GAREM1: variants seen among roughly 807,000 people sequenced by gnomAD.
The protein encoded by GAREM1 is GRB2 associated regulator of MAPK1 subtype 1.
A neutral mutation model predicts 71.3 loss-of-function variants in GAREM1; 26 were observed. That is an observed-to-expected ratio of 0.36 (90% CI 0.27 to 0.51). The LOEUF is 0.51. Ranked by LOEUF, GAREM1 falls within the 20% of genes least tolerant of loss-of-function variation. GAREM1 has a pLI of 0.95. For missense variants in GAREM1, 1,026 were observed against 1,103.1 expected (o/e 0.93, Z 0.99); for synonymous variants, 440 against 433.2 (o/e 1.02, Z -0.20).
chr18:32,270,164 G>A lies in GAREM1; in HGVS notation c.1733+53C>T, dbSNP rs545054420. On this transcript the variant is annotated intron_variant, in intron 5 of 5. Coordinates refer to ENST00000269209, the MANE Select transcript of GAREM1 (RefSeq NM_001242409.2). ...CGTGAAAATGCTTTCAAGAACCCATGAACTGGTGGATGAGAAGATAAGCGT... is the reference window on the plus strand; with the variant it reads ...CGTGAAAATGCTTTCAAGAACCCATAAACTGGTGGATGAGAAGATAAGCGT... 1.5e-5 allele frequency: 23 copies of A among 1,580,570 alleles called. No individual in the cohort carries two copies. In the African/African-American group the frequency reaches 2.4e-4, roughly 17 times the overall value.
At chr18:32,303,794 G>A (rs184432824) in intron 3 of GAREM1, among the ~76,000 whole-genome samples, 42 of 152,210 alleles carry the variant, frequency 2.8e-4, no homozygotes, top group Non-Finnish European at 5.0e-4. Context: ...GGTGGTGCAT[G>A]CCTGTAGTCC....
intron 2 of GAREM1, among the ~76,000 whole-genome samples, chr18:32,364,026 A>ATATATTTTTTTTTTTTTTTTTT (rs1336753011): frequency 2.2e-5 from 1 of 46,398 alleles, no homozygotes; most frequent in African/African-American, 1.6e-4. Flanking sequence ...ATATATATAT[A>ATATATTTTTTTTTTTTTTTTTT]TGTTTTTTTT....
At chr18:32,374,301 G>A (rs1169765414) in intron 2 of GAREM1, among the ~76,000 whole-genome samples, 2 of 152,164 alleles carry the variant, frequency 1.3e-5, no homozygotes, top group Non-Finnish European at 2.9e-5. Flanking sequence ...TCTTGCCCTG[G>A]ACAATAATTA....
intron 2 of GAREM1, among the ~76,000 whole-genome samples, chr18:32,364,803 T>C (rs1413846824): frequency 1.3e-5 from 2 of 151,944 alleles, no homozygotes; most frequent in East Asian, 3.9e-4. Context: ...ACACCAGAGA[T>C]GAACAAAGAT....
At chr18:32,380,077 G>C (rs749572900) in intron 2 of GAREM1, among the ~76,000 whole-genome samples, 1 of 152,136 alleles carries the variant, frequency 6.6e-6, no homozygotes, top group Non-Finnish European at 1.5e-5. Flanking sequence ...GCCATGACAC[G>C]CATGGTTGCT....
At chr18:32,300,027 A>G (rs2047184083) in intron 3 of GAREM1, among the ~76,000 whole-genome samples, 1 of 152,236 alleles carries the variant, frequency 6.6e-6, no homozygotes, top group African/African-American at 2.4e-5. Flanking sequence ...ATAAAACAGG[A>G]GACAGTGATA....
chr18:32,454,062 T>C (rs2048866262), intron 1 of GAREM1, among the ~76,000 whole-genome samples: 2 of 152,166 alleles, frequency 1.3e-5, no homozygotes, highest in East Asian at 3.8e-4. Flanking sequence ...TTGTATATAA[T>C]AGTGACCTCA....
intron 4 of GAREM1, among the ~76,000 whole-genome samples, chr18:32,282,089 GC>G (rs1414595918): frequency 2.6e-5 from 4 of 151,754 alleles, no homozygotes; most frequent in Admixed American, 6.6e-5. Flanking sequence ...CTATAAAACG[GC>G]CCCACCCCTA....
In GAREM1 at chr18:32,310,228, C is replaced by T. The variant is rs199846312; in HGVS notation, c.358G>A (p.Val120Met). ...EEVAKAFPER[V>M]YVMEDITFNV... ...AATGTGATATCCTCCATGACGTACA[C>T]GCGTTCAGGAAATGCCTTAGCCACC... is the stretch of plus-strand genomic sequence containing the variant. The change falls in exon 3 of 6, where the codon GTG becomes ATG. Residue 120 changes from valine (V) to methionine (M), a missense_variant. By Grantham distance (21) the Val-to-Met change is conservative (BLOSUM62 1). This residue lies in a region of GAREM1 where 172 missense variants were observed against 175.2 expected (regional missense o/e 0.98). Coordinates refer to ENST00000269209, the MANE Select transcript of GAREM1 (RefSeq NM_001242409.2). The T allele has an allele frequency of 2.0e-5, 33 of 1,614,106 alleles. No homozygotes were observed. Among genetic ancestry groups the T allele is most frequent in the Admixed American group, 3.3e-5 (2 of 60,022 alleles).
At chr18:32,403,320 G>A (rs2048334499) in intron 1 of GAREM1, among the ~76,000 whole-genome samples, 1 of 152,056 alleles carries the variant, frequency 6.6e-6, no homozygotes, top group Non-Finnish European at 1.5e-5. Flanking sequence ...ACAGAATGGG[G>A]CCCTGAGTCC....
chr18:32,333,458 G>T (rs1311779443), intron 2 of GAREM1, among the ~76,000 whole-genome samples: 1 of 152,194 alleles, frequency 6.6e-6, no homozygotes, highest in Non-Finnish European at 1.5e-5. Flanking sequence ...GTGAGAAGCT[G>T]TTATGTCAGA....
intron 1 of GAREM1, among the ~76,000 whole-genome samples, chr18:32,415,524 C>T (rs58367312): frequency 6.6e-6 from 1 of 152,080 alleles, no homozygotes; most frequent in South Asian, 2.1e-4. Flanking sequence ...GCTCATTCAT[C>T]ATAACCAAGG....
chr18:32,459,507 GCTTT>G (rs1302178442), intron 1 of GAREM1, among the ~76,000 whole-genome samples: 1 of 151,932 alleles, frequency 6.6e-6, no homozygotes, highest in Non-Finnish European at 1.5e-5. Context: ...TCTTAATAAA[GCTTT>G]CTGTTACTTG....
chr18:32,466,065 TAA>T (rs1431406359), intron 1 of GAREM1, among the ~76,000 whole-genome samples: 2 of 152,222 alleles, frequency 1.3e-5, no homozygotes, highest in Non-Finnish European at 2.9e-5. Flanking sequence ...CTATTTCTGT[TAA>T]GTCAGGTAAT....
chr18:32,334,171 C>G (rs2047565831), intron 2 of GAREM1, among the ~76,000 whole-genome samples: 1 of 152,166 alleles, frequency 6.6e-6, no homozygotes, highest in Non-Finnish European at 1.5e-5. Context: ...AACTTAGCCA[C>G]TTTCCCATCA....
chr18:32,281,170 A>G (rs1176790880), intron 4 of GAREM1, among the ~76,000 whole-genome samples: 4 of 152,242 alleles, frequency 2.6e-5, no homozygotes, highest in Non-Finnish European at 5.9e-5. Flanking sequence ...ATGAAGCTAC[A>G]AAGTGGTAGC....
At chr18:32,414,091 T>C (rs1405263459) in intron 1 of GAREM1, among the ~76,000 whole-genome samples, 1 of 152,124 alleles carries the variant, frequency 6.6e-6, no homozygotes, top group Non-Finnish European at 1.5e-5. Context: ...AAAATCTATT[T>C]TAATGACTGA....
chr18:32,372,051 G>A (rs1362733483), intron 2 of GAREM1, among the ~76,000 whole-genome samples: 3 of 152,192 alleles, frequency 2.0e-5, no homozygotes, highest in Admixed American at 6.5e-5. Flanking sequence ...TTGAGTAGCT[G>A]TTAAATGTAG....
intron 3 of GAREM1, among the ~76,000 whole-genome samples, chr18:32,308,309 C>T (rs2047277781): frequency 1.4e-5 from 2 of 145,416 alleles, no homozygotes; most frequent in Admixed American, 1.4e-4. Context: ...GTTATCCTCT[C>T]AGTCATTCTG....
Sources: gnomAD v4.1 joint callset for allele counts (sites outside exome capture counted in the v4.1 genomes callset) on GRCh38, gnomAD v4.1.1 for gene constraint, gnomAD v4.1.1 regional missense constraint, MANE v1.5 for transcripts, NCBI Gene and HGNC (gene_info 2026-07-23, HGNC 2026-07-21) for gene names.